Variants in DENND1B observed in about 807,000 individuals in gnomAD.
DENND1B encodes the protein DENN domain-containing protein 1B.
Under a neutral mutation model 90.1 loss-of-function variants are expected in DENND1B, and 59 were observed. The observed-to-expected ratio is 0.65, with a 90% CI of 0.53 to 0.81. The LOEUF is 0.81. Ranked by LOEUF, DENND1B falls within the 40% of genes least tolerant of loss-of-function variation. The probability of loss-of-function intolerance (pLI) is 0.00; values close to 1 mark genes in which losing one functional copy is unlikely to be tolerated. For missense variants in DENND1B, 862 were observed against 912.6 expected (o/e 0.94, Z 0.71); for synonymous variants, 337 against 324.6 (o/e 1.04, Z -0.41).
At chr1:197,717,118 T>G (rs1235586696) in intron 2 of DENND1B, among the ~76,000 whole-genome samples, 1 of 151,996 alleles carries the variant, frequency 6.6e-6, no homozygotes, top group Non-Finnish European at 1.5e-5. Flanking sequence ...TTGAAATGGA[T>G]TAACTTAGTT....
At chr1:197,569,821 G>C (rs1258286804) in intron 15 of DENND1B, among the ~76,000 whole-genome samples, 1 of 152,052 alleles carries the variant, frequency 6.6e-6, no homozygotes, top group Non-Finnish European at 1.5e-5. Context: ...GGAATAACAA[G>C]TTCAGGAATT....
In DENND1B at chr1:197,507,570, T is replaced by C. The variant is rs991991141; in HGVS notation, c.*2890A>G. ...GATTCAGAAAGAACCATGACTCCATTGCAGGCCAGATAAAGACTATGTACC... is the reference window on the plus strand; with the variant it reads ...GATTCAGAAAGAACCATGACTCCATCGCAGGCCAGATAAAGACTATGTACC... On this transcript the variant is annotated 3_prime_UTR_variant, in exon 23 of 23. Transcript: ENST00000620048. 2.0e-5 allele frequency: 3 copies of C among 151,524 alleles called. No homozygotes were observed. Among genetic ancestry groups the C allele is most frequent in the Non-Finnish European group, 3.0e-5 (2 of 67,658 alleles). 9.4% of individuals were successfully genotyped at this position (151,524 alleles called of 1,614,324 possible).
chr1:197,576,963 A>C (rs1998711), intron 15 of DENND1B, among the ~76,000 whole-genome samples: 1 of 151,974 alleles, frequency 6.6e-6, no homozygotes, highest in East Asian at 1.9e-4. Context: ...TATCAGTTAA[A>C]AAGGCCTATA....
chr1:197,512,737 C>G (rs1420845194), intron 21 of DENND1B, 134 bp downstream of exon 21: 1 of 703,334 alleles, frequency 1.4e-6, no homozygotes, highest in African/African-American at 1.9e-5. Flanking sequence ...GCACTGGGTC[C>G]TTTTGCTGAA....
chr1:197,547,956 T>A (rs12118513), intron 16 of DENND1B, among the ~76,000 whole-genome samples: 22,220 of 152,216 alleles, frequency 0.15, 2,168 homozygotes, highest in Middle Eastern at 0.32. Context: ...ATCACATATT[T>A]AAGACTTTGT....
intron 2 of DENND1B, among the ~76,000 whole-genome samples, chr1:197,723,314 T>C (rs1415215572): frequency 6.6e-6 from 1 of 152,168 alleles, no homozygotes; most frequent in Non-Finnish European, 1.5e-5. Flanking sequence ...GAGAATTGAA[T>C]TGAAAACACC....
At chr1:197,721,106 G>A (rs1379655170) in intron 2 of DENND1B, among the ~76,000 whole-genome samples, 3 of 116,200 alleles carry the variant, frequency 2.6e-5, no homozygotes, top group African/African-American at 6.9e-5. Flanking sequence ...GTCTCACTCC[G>A]TTGCCCAGGC....
chr1:197,515,509 T>G (rs1668333828), intron 20 of DENND1B, among the ~76,000 whole-genome samples: 1 of 151,792 alleles, frequency 6.6e-6, no homozygotes, highest in African/African-American at 2.4e-5. Context: ...ATGCTTGGCT[T>G]TATACCAGCT....
intron 15 of DENND1B, among the ~76,000 whole-genome samples, chr1:197,569,034 G>C (rs1672924915): frequency 6.6e-6 from 1 of 151,940 alleles, no homozygotes; most frequent in African/African-American, 2.4e-5. Flanking sequence ...AATTATATCT[G>C]ATAAGGAATT....
At chr1:197,680,975 C>T (rs1656626598) in intron 3 of DENND1B, among the ~76,000 whole-genome samples, 1 of 152,146 alleles carries the variant, frequency 6.6e-6, no homozygotes, top group East Asian at 1.9e-4. Flanking sequence ...CCACCCCCAA[C>T]AACTGTTAGC....
chr1:197,746,533 T>C (rs926443435), intron 2 of DENND1B, among the ~76,000 whole-genome samples: 16 of 152,212 alleles, frequency 1.1e-4, no homozygotes, highest in African/African-American at 3.6e-4. Flanking sequence ...TTTTCTTACA[T>C]TTCTTATACA....
intron 2 of DENND1B, among the ~76,000 whole-genome samples, chr1:197,744,074 C>T (rs1223664536): frequency 6.6e-6 from 1 of 152,218 alleles, no homozygotes; most frequent in Non-Finnish European, 1.5e-5. Flanking sequence ...GTTATATCCA[C>T]CACATCTGTG....
At chr1:197,705,753 T>C (rs1379623115) in intron 3 of DENND1B, among the ~76,000 whole-genome samples, 9 of 151,248 alleles carry the variant, frequency 6.0e-5, no homozygotes, top group Non-Finnish European at 1.2e-4. Context: ...TATATTGGAA[T>C]GGTAAAATGA....
intron 1 of DENND1B, chr1:197,774,604 C>G (rs1368235327): frequency 1.3e-5 from 2 of 151,956 alleles, no homozygotes; most frequent in African/African-American, 4.9e-5. Context: ...TAAAGAAACA[C>G]CAGAGACCAA....
chr1:197,647,517 G>A (rs1220026266), intron 7 of DENND1B, among the ~76,000 whole-genome samples: 1 of 152,150 alleles, frequency 6.6e-6, no homozygotes, highest in African/African-American at 2.4e-5. Flanking sequence ...CTGAAGATAA[G>A]TGTCCTAGTC....
intron 16 of DENND1B, 73 bp downstream of exon 16, chr1:197,552,949 A>G: frequency 6.5e-7 from 1 of 1,541,724 alleles, no homozygotes; most frequent in Non-Finnish European, 8.6e-7. Flanking sequence ...AATAGGTTTT[A>G]TCAGACACAA....
intron 12 of DENND1B, among the ~76,000 whole-genome samples, chr1:197,608,564 C>T (rs767365462): frequency 1.3e-5 from 2 of 150,372 alleles, no homozygotes; most frequent in African/African-American, 2.4e-5. Context: ...ATGTTAATTG[C>T]ATTTGTGTGA....
chr1:197,742,090 G>A (rs1390561857), intron 2 of DENND1B, among the ~76,000 whole-genome samples: 1 of 151,978 alleles, frequency 6.6e-6, no homozygotes, highest in East Asian at 1.9e-4. Flanking sequence ...TAATACAATG[G>A]CACTATTTCA....
chr1:197,732,530 A>G (rs779539353), intron 2 of DENND1B, among the ~76,000 whole-genome samples: 10 of 152,328 alleles, frequency 6.6e-5, no homozygotes, highest in Admixed American at 5.2e-4. Flanking sequence ...TAGAAGAAAC[A>G]TTAAGTTAGT....
Sources: gnomAD v4.1 joint callset for allele counts (sites outside exome capture counted in the v4.1 genomes callset) on GRCh38, gnomAD v4.1.1 for gene constraint, MANE v1.5 for transcripts, NCBI Gene and HGNC (gene_info 2026-07-23, HGNC 2026-07-21) for gene names.